Variants in TPST1 observed in about 807,000 individuals in gnomAD.
TPST1 encodes protein-tyrosine sulfotransferase 1.
TPST1 carries 20 observed loss-of-function variants against 34.8 expected under a neutral mutation model. The observed-to-expected ratio is 0.57, with a 90% CI of 0.40 to 0.84. The LOEUF (loss-of-function observed/expected upper bound fraction) is 0.84, where lower values mean the gene tolerates loss of function less well. Among genes scored for constraint, TPST1 ranks in the 40% least tolerant of loss-of-function variants. The pLI is 0.00. For missense variants in TPST1, 353 were observed against 455.5 expected (o/e 0.78, Z 2.05); for synonymous variants, 152 against 159.4 (o/e 0.95, Z 0.35).
At chr7:66,272,468 A>T (rs762202391) in intron 2 of TPST1, among the ~76,000 whole-genome samples, 1 of 152,286 alleles carries the variant, frequency 6.6e-6, no homozygotes, top group African/African-American at 2.4e-5. Flanking sequence ...GAAGGAAGGT[A>T]TGTCAACACA....
At position 66,215,771 on chromosome 7, in the gene TPST1, C is replaced by CTTTTTTTTTTTTTTTTTTT. The variant is rs772346557; in HGVS notation, c.-102+10252_-102+10253insTTTTTTTTTTTTTTTTTTT. On this transcript the variant is annotated intron_variant, in intron 1 of 5. Transcript: ENST00000304842. ...CCATCTTGTCCTGGTTTTTCTTTTT[C>CTTTTTTTTTTTTTTTTTTT]TTTCTTTTTTTTTTTTTTTGAGACG... Among the ~76,000 whole-genome samples, 2 of 108,536 alleles carry CTTTTTTTTTTTTTTTTTTT rather than the reference C, an allele frequency of 1.8e-5. 1 individual carries two copies. 71.2% of individuals were successfully genotyped at this position (108,536 alleles called of 152,430 possible). A position where few individuals can be genotyped will look rare whatever the true frequency, so the allele number is the denominator to read the frequency against.
At chr7:66,218,788 A>T (rs1414056365) in intron 1 of TPST1, among the ~76,000 whole-genome samples, 1 of 151,914 alleles carries the variant, frequency 6.6e-6, no homozygotes, top group East Asian at 1.9e-4. Flanking sequence ...TGGAGCTTGC[A>T]GTGAGCTGCG....
intron 2 of TPST1, among the ~76,000 whole-genome samples, chr7:66,262,108 C>T (rs891734345): frequency 6.6e-6 from 1 of 152,272 alleles, no homozygotes; most frequent in Admixed American, 6.5e-5. Flanking sequence ...ATGTGTCCTG[C>T]TGATAAGTGC....
chr7:66,356,715 C>A, intron 4 of TPST1, 110 bp from the exon 5 acceptor site: 1 of 1,260,890 alleles, frequency 7.9e-7, no homozygotes, highest in Non-Finnish European at 1.1e-6. Context: ...CTGAGTTCAT[C>A]TGAAAGTGAA....
At chr7:66,258,068 C>T (rs1209018497) in intron 2 of TPST1, among the ~76,000 whole-genome samples, 2 of 152,030 alleles carry the variant, frequency 1.3e-5, no homozygotes, top group East Asian at 3.8e-4. Flanking sequence ...TAATTTTTGG[C>T]TTAGGATTTT....
chr7:66,230,957 A>T (rs1337752037), intron 1 of TPST1, among the ~76,000 whole-genome samples: 1 of 152,186 alleles, frequency 6.6e-6, no homozygotes, highest in Non-Finnish European at 1.5e-5. Context: ...CCACCAGAGC[A>T]GCTAGATACA....
intron 1 of TPST1, among the ~76,000 whole-genome samples, chr7:66,211,198 G>A (rs1054903608): frequency 3.3e-5 from 5 of 151,672 alleles, no homozygotes; most frequent in African/African-American, 9.7e-5. Flanking sequence ...GCAATGGCGC[G>A]ATCTTGGCTC....
At chr7:66,314,606 A>G (rs1369986717) in intron 3 of TPST1, among the ~76,000 whole-genome samples, 1 of 152,238 alleles carries the variant, frequency 6.6e-6, no homozygotes, top group Non-Finnish European at 1.5e-5. Context: ...CGATGGGAAT[A>G]CATTGTGAAA....
intron 3 of TPST1, among the ~76,000 whole-genome samples, chr7:66,315,415 G>T (rs1791613381): frequency 6.6e-6 from 1 of 152,326 alleles, no homozygotes; most frequent in South Asian, 2.1e-4. Flanking sequence ...GGAATCAGCT[G>T]AGTTCTTCCT....
intron 1 of TPST1, among the ~76,000 whole-genome samples, chr7:66,231,805 G>A (rs1789802471): frequency 6.6e-6 from 1 of 152,240 alleles, no homozygotes; most frequent in South Asian, 2.1e-4. Flanking sequence ...GCGGTGGGCT[G>A]AAGGGCTCCT....
At chr7:66,308,992 G>A (rs1562838188) in intron 3 of TPST1, among the ~76,000 whole-genome samples, 1 of 152,148 alleles carries the variant, frequency 6.6e-6, no homozygotes, top group Non-Finnish European at 1.5e-5. Flanking sequence ...TCTGCCTTCC[G>A]GGTTCAAGCA....
chr7:66,322,844 C>T (rs1335991012), intron 3 of TPST1, among the ~76,000 whole-genome samples: 1 of 150,992 alleles, frequency 6.6e-6, no homozygotes, highest in Non-Finnish European at 1.5e-5. Context: ...TACATCCCTT[C>T]CAGTAGTGCA....
chr7:66,240,350 C>T lies in TPST1; in HGVS notation c.-76C>T. ...ATGTTGGTTATCTTTCTGAAGTAGACTGTCCATGGCCTGAACATTTTCCGA... is the reference window on the plus strand; with the variant it reads ...ATGTTGGTTATCTTTCTGAAGTAGATTGTCCATGGCCTGAACATTTTCCGA... On this transcript the variant is annotated 5_prime_UTR_variant, in exon 2 of 6. Coordinates refer to ENST00000304842, the MANE Select transcript of TPST1 (RefSeq NM_003596.4). 1 of 1,504,536 alleles carries T rather than the reference C, an allele frequency of 6.6e-7. No individual in the cohort carries two copies. The highest frequency in any genetic ancestry group is 8.9e-7 in the Non-Finnish European group (1 of 1,121,256). The allele number at this position is 1,504,536 out of a possible 1,614,324, so 93.2% of individuals were successfully genotyped here.
chr7:66,347,622 T>C (rs917967014), intron 3 of TPST1, among the ~76,000 whole-genome samples: 1 of 152,210 alleles, frequency 6.6e-6, no homozygotes, highest in Admixed American at 6.5e-5. Context: ...ACTCCACCAG[T>C]ATTATTCTTT....
At chr7:66,271,986 G>A (rs915878354) in intron 2 of TPST1, among the ~76,000 whole-genome samples, 1 of 152,176 alleles carries the variant, frequency 6.6e-6, no homozygotes, top group African/African-American at 2.4e-5. Flanking sequence ...TCTTCAGAAA[G>A]TGTCTGTGGG....
rs191480725 is a variant in TPST1, at chr7:66,244,804, C to T, written c.845+3534C>T. 2.4e-4 allele frequency among the ~76,000 whole-genome samples: 36 copies of T among 152,296 alleles called. No homozygotes were observed. In the East Asian group the frequency reaches 6.2e-3, roughly 26 times the overall value. ...GATTAATGTAACAGTGACGCTTAGACAACAAGTACAGGAATCACAACTACA... is the reference window on the plus strand; with the variant it reads ...GATTAATGTAACAGTGACGCTTAGATAACAAGTACAGGAATCACAACTACA... On this transcript the variant is annotated intron_variant, in intron 2 of 5. Coordinates refer to ENST00000304842, the MANE Select transcript of TPST1 (RefSeq NM_003596.4).
At chr7:66,310,805 A>T (rs983405899) in intron 3 of TPST1, among the ~76,000 whole-genome samples, 1 of 146,920 alleles carries the variant, frequency 6.8e-6, no homozygotes, top group Non-Finnish European at 1.5e-5. Flanking sequence ...TTTGAAGAGT[A>T]TTTATTTATT....
At chr7:66,218,079 A>G (rs1208011667) in intron 1 of TPST1, among the ~76,000 whole-genome samples, 4 of 151,450 alleles carry the variant, frequency 2.6e-5, no homozygotes, top group African/African-American at 4.9e-5. Context: ...AGGTGTCACC[A>G]TGTTGGTCAG....
chr7:66,356,967 C>G, intron 5 of TPST1, 96 bp downstream of exon 5: 1 of 1,240,842 alleles, frequency 8.1e-7, no homozygotes, highest in Non-Finnish European at 1.2e-6. Flanking sequence ...CTCTGGAGTC[C>G]GTCTGCCAGG....
Sources: gnomAD v4.1 joint callset for allele counts (sites outside exome capture counted in the v4.1 genomes callset) on GRCh38, gnomAD v4.1.1 for gene constraint, MANE v1.5 for transcripts, NCBI Gene and HGNC (gene_info 2026-07-23, HGNC 2026-07-21) for gene names.